Variants in PCDH9 observed in about 807,000 individuals in gnomAD.
PCDH9 encodes protocadherin 9, also known as protocadherin-9.
In PCDH9, 24 loss-of-function variants were observed where a neutral mutation model predicts 70.6. The observed-to-expected ratio is 0.34, with a 90% CI of 0.25 to 0.48. The LOEUF is 0.48. Ranked by LOEUF, PCDH9 falls within the 20% of genes least tolerant of loss-of-function variation. PCDH9 has a pLI of 0.99. For synonymous variants in PCDH9, 562 were observed against 558.5 expected (o/e 1.01, Z -0.09); for missense variants, 1,281 against 1,503.6 (o/e 0.85, Z 2.45).
At chr13:66,928,411 T>C (rs1043358060) in intron 2 of PCDH9, among the ~76,000 whole-genome samples, 1 of 152,106 alleles carries the variant, frequency 6.6e-6, no homozygotes, top group Non-Finnish European at 1.5e-5. Context: ...AGGTGGATAG[T>C]ATTATTCCCA....
At chr13:66,637,297 T>C (rs993863240) in intron 3 of PCDH9, among the ~76,000 whole-genome samples, 11 of 152,208 alleles carry the variant, frequency 7.2e-5, no homozygotes, top group African/African-American at 2.7e-4. Flanking sequence ...CAAATATTAA[T>C]ACACACATGT....
At chr13:66,919,050 C>A (rs2082600155) in intron 2 of PCDH9, among the ~76,000 whole-genome samples, 2 of 151,218 alleles carry the variant, frequency 1.3e-5, no homozygotes, top group African/African-American at 2.4e-5. Flanking sequence ...TTTCACTATC[C>A]TTTACTGTTC....
intron 3 of PCDH9, among the ~76,000 whole-genome samples, chr13:66,781,112 C>T (rs1475388613): frequency 6.6e-6 from 1 of 152,028 alleles, no homozygotes; most frequent in African/African-American, 2.4e-5. Flanking sequence ...TATGACTTTT[C>T]CTGTAAAGGA....
At position 66,949,730 on chromosome 13, in the gene PCDH9, T is replaced by C. The variant is rs115346576; in HGVS notation, c.3037-46125A>G. 5.8e-3 allele frequency among the ~76,000 whole-genome samples: 881 copies of C among 152,028 alleles called. 16 individuals are homozygous for C. Among genetic ancestry groups the C allele is most frequent in the African/African-American group, 0.02 (845 of 41,512 alleles). ...AGTTGGAATGGAACAAGAAACAGAA[T>C]AGAGCTTTGGAAAAATGAGTAAAGA... On this transcript the variant is annotated intron_variant, in intron 2 of 4. Transcript: ENST00000377865.
chr13:66,768,645 A>T (rs2079757201), intron 3 of PCDH9, among the ~76,000 whole-genome samples: 1 of 152,036 alleles, frequency 6.6e-6, no homozygotes, highest in Non-Finnish European at 1.5e-5. Flanking sequence ...ATTTCAAAGC[A>T]TTTTCCTGAT....
At position 66,575,712 on chromosome 13, in the gene PCDH9, T is replaced by C. The variant is rs193248794; in HGVS notation, c.3340+55498A>G. On this transcript the variant is annotated intron_variant, in intron 4 of 4. Coordinates refer to ENST00000377865, the MANE Select transcript of PCDH9 (RefSeq NM_203487.3). ...CTAAGATATTATTCCCTCAAAGACA[T>C]TTTCAGAACCATCTCCCTCCAACTA... 9.3e-4 allele frequency among the ~76,000 whole-genome samples: 142 copies of C among 152,294 alleles called. 2 individuals carry two copies. Among genetic ancestry groups the C allele is most frequent in the African/African-American group, 3.3e-3 (139 of 41,570 alleles).
intron 3 of PCDH9, among the ~76,000 whole-genome samples, chr13:66,863,842 C>T (rs2081525671): frequency 6.6e-6 from 1 of 151,860 alleles, no homozygotes; most frequent in African/African-American, 2.4e-5. Flanking sequence ...CGTATTGGTC[C>T]GTTCTCCTGC....
intron 2 of PCDH9, among the ~76,000 whole-genome samples, chr13:67,129,998 A>G (rs1482820277): frequency 6.6e-6 from 1 of 152,214 alleles, no homozygotes; most frequent in East Asian, 1.9e-4. Flanking sequence ...ATCAAACACG[A>G]TAGCAATAGA....
At chr13:66,842,605 T>G (rs1202808738) in intron 3 of PCDH9, among the ~76,000 whole-genome samples, 1 of 152,208 alleles carries the variant, frequency 6.6e-6, no homozygotes, top group South Asian at 2.1e-4. Flanking sequence ...GAACTTAGAA[T>G]AGCATAAAAT....
intron 3 of PCDH9, among the ~76,000 whole-genome samples, chr13:66,708,848 C>A (rs1566519711): frequency 1.3e-5 from 2 of 152,144 alleles, no homozygotes; most frequent in Admixed American, 6.5e-5. Context: ...CATTCAGCTG[C>A]TTATTTTGAT....
At chr13:66,657,613 T>A (rs1398544474) in intron 3 of PCDH9, among the ~76,000 whole-genome samples, 1 of 152,228 alleles carries the variant, frequency 6.6e-6, no homozygotes, top group African/African-American at 2.4e-5. Context: ...ATTGAAGCGA[T>A]TCTTTGGAAT....
chr13:66,918,628 TA>T (rs1183800309), intron 2 of PCDH9, among the ~76,000 whole-genome samples: 1 of 151,002 alleles, frequency 6.6e-6, no homozygotes. Context: ...TTTCCTCTTG[TA>T]AAAAAATAGA....
At chr13:67,156,163 C>T (rs753398799) in intron 2 of PCDH9, among the ~76,000 whole-genome samples, 6 of 152,018 alleles carry the variant, frequency 3.9e-5, no homozygotes, top group Non-Finnish European at 7.4e-5. Flanking sequence ...CCTGCCTGCA[C>T]GCCCAAATGT....
intron 4 of PCDH9, among the ~76,000 whole-genome samples, chr13:66,606,159 C>T (rs1053396304): frequency 1.3e-5 from 2 of 152,078 alleles, no homozygotes; most frequent in African/African-American, 4.8e-5. Flanking sequence ...AGAATGAGGA[C>T]AGGCAGAGGG....
intron 2 of PCDH9, among the ~76,000 whole-genome samples, chr13:67,077,062 C>T (rs1594478187): frequency 6.6e-6 from 1 of 152,154 alleles, no homozygotes; most frequent in African/African-American, 2.4e-5. Context: ...TCTATGGTCT[C>T]TTCTCAAGAG....
intron 2 of PCDH9, chr13:67,222,378 T>C (rs1170381959): frequency 1.3e-5 from 2 of 151,184 alleles, no homozygotes; most frequent in Middle Eastern, 3.4e-3. Flanking sequence ...TAGTGACACA[T>C]GAAAGCTTTA....
At chr13:66,387,892 G>A (rs1000323144) in intron 4 of PCDH9, among the ~76,000 whole-genome samples, 1 of 152,030 alleles carries the variant, frequency 6.6e-6, no homozygotes, top group Non-Finnish European at 1.5e-5. Context: ...ACTATGTGCT[G>A]GTGCATGGTT....
At chr13:66,889,251 C>T (rs1293080396) in intron 3 of PCDH9, among the ~76,000 whole-genome samples, 3 of 152,156 alleles carry the variant, frequency 2.0e-5, no homozygotes, top group African/African-American at 4.8e-5. Flanking sequence ...GAGGCCAAAG[C>T]CACACGAAGC....
chr13:67,052,519 C>A (rs533160446), intron 2 of PCDH9, among the ~76,000 whole-genome samples: 2 of 151,736 alleles, frequency 1.3e-5, no homozygotes, highest in East Asian at 3.9e-4. Flanking sequence ...TTGGAAGGAT[C>A]CTATTTGCAT....
Sources: allele counts gnomAD v4.1 joint callset (sites outside exome capture counted in the v4.1 genomes callset), GRCh38; gene constraint gnomAD v4.1.1; transcripts MANE v1.5; gene names NCBI Gene and HGNC (gene_info 2026-07-23, HGNC 2026-07-21).